Variants in GNB4 observed in about 807,000 individuals in gnomAD.
GNB4 encodes G protein subunit beta 4, also known as guanine nucleotide-binding protein subunit beta-4.
GNB4 carries 28 observed loss-of-function variants against 45.2 expected under a neutral mutation model. The observed-to-expected ratio is 0.62, with a 90% CI of 0.46 to 0.85. The LOEUF (loss-of-function observed/expected upper bound fraction) is 0.85. Among genes scored for constraint, GNB4 ranks in the 40% least tolerant of loss-of-function variants. The pLI is 0.00. For synonymous variants in GNB4, 132 were observed against 143.7 expected (o/e 0.92, Z 0.58); for missense variants, 321 against 425.4 (o/e 0.75, Z 2.16).
Position 179,442,820 on chromosome 3 carries a change from G to T in GNB4, c.-43+8526C>A, listed in dbSNP as rs1158641311. The stretch of plus-strand genomic sequence containing the variant: ...TAAAAAAAAAAAATTTTAGAGGTGG[G>T]GTCCTTACTATGTTGCCTAGGCCTG... On this transcript the variant is annotated intron_variant, in intron 1 of 9. Coordinates refer to ENST00000232564, the MANE Select transcript of GNB4 (RefSeq NM_021629.4). 2.0e-5 allele frequency among the ~76,000 whole-genome samples: 3 copies of T among 151,924 alleles called. No individual in the cohort carries two copies. In the East Asian group the frequency reaches 5.8e-4, roughly 29 times the overall value.
chr3:179,442,893 T>TC (rs1715627808), intron 1 of GNB4, among the ~76,000 whole-genome samples: 1 of 152,152 alleles, frequency 6.6e-6, no homozygotes, highest in Non-Finnish European at 1.5e-5. Context: ...GCCTCCTGAG[T>TC]AGCTGGGATG....
chr3:179,475,047 G>A, the GNB4 span, among the ~76,000 whole-genome samples: 115 of 152,242 alleles, frequency 7.6e-4, 1 homozygote, highest in African/African-American at 2.7e-3. Context: ...GGAGGTGGAA[G>A]GGCAAGCAAG....
Position 179,413,591 on chromosome 3 carries a change from C to A in GNB4, c.520G>T (p.Ala174Ser). Reference sequence around the variant, plus strand: ...CCAGTGAATGTGGTGGTCTGCTGGGCAGTTTCGATGTCCCATAAAGCACTG... The same window carrying A: ...CCAGTGAATGTGGTGGTCTGCTGGGAAGTTTCGATGTCCCATAAAGCACTG... ...TTCALWDIET[A>S]QQTTTFTGHS... Residue 174 changes from alanine to serine, a missense_variant, in exon 8 of 10, where the codon GCC becomes TCC. Coordinates refer to ENST00000232564, the MANE Select transcript of GNB4 (RefSeq NM_021629.4). 6.2e-7 allele frequency: 1 copy of A among 1,614,136 alleles called. No individual in the cohort carries two copies. The highest frequency in any genetic ancestry group is 8.5e-7 in the Non-Finnish European group (1 of 1,180,012).
intron 1 of GNB4, among the ~76,000 whole-genome samples, chr3:179,444,423 GT>G (rs34220563): frequency 0.015 from 2,088 of 134,986 alleles, 27 homozygotes; most frequent in African/African-American, 0.041. Flanking sequence ...TTTTCAGGGT[GT>G]TTTTTTTTTT....
chr3:179,497,244 T>C, the GNB4 span, among the ~76,000 whole-genome samples: 2 of 152,036 alleles, frequency 1.3e-5, no homozygotes, highest in Non-Finnish European at 2.9e-5. Flanking sequence ...ACCAGGAATA[T>C]ATAATGGAGA....
chr3:179,417,113 G>C (rs1470228543), intron 4 of GNB4, among the ~76,000 whole-genome samples: 1 of 152,130 alleles, frequency 6.6e-6, no homozygotes, highest in Non-Finnish European at 1.5e-5. Flanking sequence ...GAGTAAAGGA[G>C]GAACAATGGC....
chr3:179,496,695 T>C, the GNB4 span, among the ~76,000 whole-genome samples: 2 of 152,048 alleles, frequency 1.3e-5, no homozygotes, highest in Non-Finnish European at 2.9e-5. Flanking sequence ...GTAGCTATAC[T>C]TATAGGAGAC....
intron 2 of GNB4, 68 bp downstream of exon 2, chr3:179,426,073 AACT>A: frequency 8.2e-7 from 1 of 1,221,468 alleles, no homozygotes; most frequent in Admixed American, 2.1e-5. Context: ...TAGACTGATA[AACT>A]AATAGGCAAA....
At chr3:179,458,490 A>C in the GNB4 span, among the ~76,000 whole-genome samples, 1 of 152,212 alleles carries the variant, frequency 6.6e-6, no homozygotes, top group Non-Finnish European at 1.5e-5. Flanking sequence ...AAAAGCAAAA[A>C]CAAAAAACTA....
chr3:179,466,815 A>C, the GNB4 span, among the ~76,000 whole-genome samples: 2 of 152,230 alleles, frequency 1.3e-5, no homozygotes, highest in Non-Finnish European at 2.9e-5. Context: ...ATCAATTTAC[A>C]ACAAAGAAAT....
At chr3:179,434,452 G>T (rs968806765) in intron 1 of GNB4, among the ~76,000 whole-genome samples, 2 of 152,158 alleles carry the variant, frequency 1.3e-5, no homozygotes, top group African/African-American at 4.8e-5. Flanking sequence ...CAGGCGCAGT[G>T]GCTCACACCT....
At chr3:179,499,220 C>G in the GNB4 span, among the ~76,000 whole-genome samples, 9 of 144,356 alleles carry the variant, frequency 6.2e-5, no homozygotes, top group African/African-American at 2.1e-4. Context: ...TGCAGTGGCG[C>G]GATCTCAGCT....
chr3:179,444,337 A>C (rs1715666414), intron 1 of GNB4, among the ~76,000 whole-genome samples: 1 of 152,136 alleles, frequency 6.6e-6, no homozygotes, highest in Non-Finnish European at 1.5e-5. Context: ...ACAAACCATG[A>C]AAACTAATAT....
intron 1 of GNB4, among the ~76,000 whole-genome samples, chr3:179,444,347 T>C (rs571779635): frequency 1.6e-4 from 25 of 152,072 alleles, no homozygotes; most frequent in African/African-American, 5.8e-4. Context: ...AAAACTAATA[T>C]CTAAGTTTAA....
At chr3:179,501,295 TA>T in the GNB4 span, among the ~76,000 whole-genome samples, 1 of 131,650 alleles carries the variant, frequency 7.6e-6, no homozygotes, top group African/African-American at 2.9e-5. Flanking sequence ...TCCAATTGCC[TA>T]CATTTTTTTT....
chr3:179,519,487 T>G, the GNB4 span, among the ~76,000 whole-genome samples: 5,489 of 152,224 alleles, frequency 0.036, 341 homozygotes, highest in African/African-American at 0.13. Context: ...CTGTTTCCCT[T>G]GCCTCCATAA....
intron 1 of GNB4, among the ~76,000 whole-genome samples, chr3:179,446,599 T>A (rs1163685442): frequency 6.6e-6 from 1 of 152,222 alleles, no homozygotes; most frequent in Non-Finnish European, 1.5e-5. Context: ...TTTTTTTAAG[T>A]TAATTATCCA....
the GNB4 span, among the ~76,000 whole-genome samples, chr3:179,526,374 C>A: frequency 2.0e-5 from 3 of 152,218 alleles, no homozygotes; most frequent in African/African-American, 7.2e-5. Flanking sequence ...AATGTAAAAT[C>A]ATTTGCCCCA....
rs1281704201 is a variant in GNB4 at position 179,425,869 on chromosome 3, CTA to C, written c.57+273_57+274del. Among the ~76,000 whole-genome samples, 49 of 152,300 alleles carry C rather than the reference CTA, an allele frequency of 3.2e-4. 1 individual carries two copies. The highest frequency in any genetic ancestry group is 1.3e-3 in the Admixed American group (20 of 15,296). The stretch of plus-strand genomic sequence containing the variant: ...TACATTATGGTTTTGTACCAAAAAT[CTA>C]TGATTCTAGGCATGTAAATAAAAAG... On this transcript the variant is annotated intron_variant, in intron 2 of 9. Transcript: ENST00000232564.
Sources: allele counts gnomAD v4.1 joint callset (sites outside exome capture counted in the v4.1 genomes callset), GRCh38; gene constraint gnomAD v4.1.1; transcripts MANE v1.5; gene names NCBI Gene and HGNC (gene_info 2026-07-23, HGNC 2026-07-21).